Variants in SLC24A3 observed in about 807,000 individuals in gnomAD.
The protein encoded by SLC24A3 is solute carrier family 24 member 3.
Under a neutral mutation model 75.8 loss-of-function variants are expected in SLC24A3, and 28 were observed. The observed-to-expected ratio is 0.37, with a 90% confidence interval of 0.27 to 0.51. The LOEUF is 0.51. Among genes scored for constraint, SLC24A3 ranks in the 20% least tolerant of loss-of-function variants. The probability of loss-of-function intolerance (pLI) is 0.94; values close to 1 mark genes in which losing one functional copy is unlikely to be tolerated. For missense variants in SLC24A3, 663 were observed against 847.8 expected, an observed-to-expected ratio of 0.78 and a Z score of 2.71; for synonymous variants, 372 against 334.1, an observed-to-expected ratio of 1.11 and a Z score of -1.24.
In SLC24A3 at chr20:19,576,088, C is replaced by T. The variant is rs545995595; in HGVS notation, c.349-3912C>T. ...CTCTGCATTGTCTGGGAAATGGGAC[C>T]AGTAACTCCCTGCCTCATATAATAT... On this transcript the variant is annotated intron_variant, in intron 3 of 16. Coordinates refer to ENST00000328041, the MANE Select transcript of SLC24A3 (RefSeq NM_020689.4). Among the ~76,000 whole-genome samples, 20 of 152,188 alleles carry T rather than the reference C, an allele frequency of 1.3e-4. No individual in the cohort carries two copies. In the Middle Eastern group the frequency reaches 0.014, roughly 104 times the overall value.
At chr20:19,384,028 C>T (rs998417326) in intron 2 of SLC24A3, among the ~76,000 whole-genome samples, 6 of 152,110 alleles carry the variant, frequency 3.9e-5, no homozygotes, top group African/African-American at 1.4e-4. Flanking sequence ...CTTTATTTCT[C>T]TAGCTTTATC....
chr20:19,430,360 G>A (rs1282155088), intron 2 of SLC24A3, among the ~76,000 whole-genome samples: 1 of 152,036 alleles, frequency 6.6e-6, no homozygotes, highest in African/African-American at 2.4e-5. Flanking sequence ...GCAATCTCCA[G>A]CCCGACCAAG....
chr20:19,324,415 G>A lies in SLC24A3; in HGVS notation c.271+43328G>A, dbSNP rs113473666. On this transcript the variant is annotated intron_variant, in intron 2 of 16. Transcript: ENST00000328041. ...TCGTGTCTAAATTATACATCCTGTG[G>A]CATTTATCACAAGACATTTTCACTG... Among the ~76,000 whole-genome samples the A allele has an allele frequency of 2.8e-3, 421 of 152,298 alleles. 2 individuals are homozygous for A. The highest frequency in any genetic ancestry group is 9.3e-3 in the African/African-American group (387 of 41,552).
intron 3 of SLC24A3, among the ~76,000 whole-genome samples, chr20:19,549,984 T>C (rs1343693955): frequency 6.6e-6 from 1 of 152,214 alleles, no homozygotes; most frequent in Non-Finnish European, 1.5e-5. Flanking sequence ...TTACTTTGAA[T>C]TGTGACATTT....
intron 1 of SLC24A3, among the ~76,000 whole-genome samples, chr20:19,273,230 G>T (rs6132186): frequency 0.1 from 15,302 of 152,194 alleles, 2,073 homozygotes; most frequent in East Asian, 0.61. Context: ...GTAGGGGTCG[G>T]TGTCATGTCG....
intron 2 of SLC24A3, among the ~76,000 whole-genome samples, chr20:19,346,383 GGTATATATATGGT>G (rs1269730560): frequency 1.6e-5 from 2 of 127,416 alleles, no homozygotes; most frequent in Non-Finnish European, 1.6e-5. Context: ...GTATATATAT[GGTATATATATGGT>G]GTATATATAT....
intron 2 of SLC24A3, among the ~76,000 whole-genome samples, chr20:19,445,641 C>T (rs1344563387): frequency 6.6e-6 from 1 of 152,186 alleles, no homozygotes; most frequent in East Asian, 1.9e-4. Context: ...GTGGGATATT[C>T]ATCCGCAACA....
At chr20:19,413,811 C>A (rs556839600) in intron 2 of SLC24A3, among the ~76,000 whole-genome samples, 7 of 152,096 alleles carry the variant, frequency 4.6e-5, no homozygotes, top group Admixed American at 6.6e-5. Flanking sequence ...TGGAATCAAT[C>A]AATAGGTTTG....
At chr20:19,663,278 T>C (rs376766225) in intron 7 of SLC24A3, among the ~76,000 whole-genome samples, 1 of 151,194 alleles carries the variant, frequency 6.6e-6, no homozygotes, top group East Asian at 2.0e-4. Flanking sequence ...CTTTTGTTCA[T>C]TTCATTGTTC....
chr20:19,219,573 G>T (rs555137893), intron 1 of SLC24A3, among the ~76,000 whole-genome samples: 1 of 152,120 alleles, frequency 6.6e-6, no homozygotes, highest in Non-Finnish European at 1.5e-5. Flanking sequence ...AGGCTGTGGT[G>T]GTCAGGAAAA....
rs78091751 is a variant in SLC24A3 at position 19,404,240 on chromosome 20, A to C, written c.272-111248A>C. Among the ~76,000 whole-genome samples, 1,375 of 152,342 alleles carry C rather than the reference A, an allele frequency of 9.0e-3. 29 individuals carry two copies. The highest frequency in any genetic ancestry group is 0.032 in the African/African-American group (1,310 of 41,572). ...GGGAGCTGGGAATATCTCGGTTAAC[A>C]AAACAGACCATGGCACCTGGTGGAG... On this transcript the variant is annotated intron_variant, in intron 2 of 16. Transcript: ENST00000328041.
At chr20:19,295,455 G>A (rs1984036105) in intron 2 of SLC24A3, among the ~76,000 whole-genome samples, 1 of 152,138 alleles carries the variant, frequency 6.6e-6, no homozygotes, top group African/African-American at 2.4e-5. Flanking sequence ...AATGCTTCCA[G>A]CTTTTGCCCA....
chr20:19,376,509 T>C (rs776181618), intron 2 of SLC24A3, among the ~76,000 whole-genome samples: 3 of 152,200 alleles, frequency 2.0e-5, no homozygotes, highest in Non-Finnish European at 4.4e-5. Flanking sequence ...AGGCTATCGT[T>C]CTAGCCCTGC....
chr20:19,620,599 C>A (rs2031791340), intron 6 of SLC24A3, among the ~76,000 whole-genome samples: 1 of 152,210 alleles, frequency 6.6e-6, no homozygotes, highest in South Asian at 2.1e-4. Context: ...CACTGGGACA[C>A]TAGCACATTC....
intron 9 of SLC24A3, among the ~76,000 whole-genome samples, chr20:19,679,782 A>G (rs937957936): frequency 4.9e-4 from 74 of 152,232 alleles, no homozygotes; most frequent in African/African-American, 1.7e-3. Context: ...AAATATCATA[A>G]ATATTTTAAA....
intron 2 of SLC24A3, among the ~76,000 whole-genome samples, chr20:19,291,174 C>A (rs542979474): frequency 6.6e-6 from 1 of 152,320 alleles, no homozygotes; most frequent in East Asian, 1.9e-4. Flanking sequence ...CCTTGGGGCA[C>A]ATCTCCCGGC....
At chr20:19,711,488 G>A (rs1467449227) in intron 15 of SLC24A3, among the ~76,000 whole-genome samples, 3 of 145,662 alleles carry the variant, frequency 2.1e-5, no homozygotes, top group African/African-American at 7.7e-5. Context: ...ACACATGCAG[G>A]CAAATGCACA....
intron 2 of SLC24A3, among the ~76,000 whole-genome samples, chr20:19,513,236 T>C (rs2029917460): frequency 6.6e-6 from 1 of 152,192 alleles, no homozygotes; most frequent in South Asian, 2.1e-4. Context: ...TGCAGATCCA[T>C]GCAGTAGGGG....
At chr20:19,613,303 G>T (rs1025289458) in intron 6 of SLC24A3, among the ~76,000 whole-genome samples, 3 of 152,194 alleles carry the variant, frequency 2.0e-5, no homozygotes, top group Admixed American at 2.0e-4. Flanking sequence ...TCTATCCTCA[G>T]TATCTGAACA....
Sources: gnomAD v4.1 joint callset for allele counts (sites outside exome capture counted in the v4.1 genomes callset) on GRCh38, gnomAD v4.1.1 for gene constraint, MANE v1.5 for transcripts, NCBI Gene and HGNC (gene_info 2026-07-23, HGNC 2026-07-21) for gene names.